WDR93: variants seen among roughly 807,000 people sequenced by gnomAD.
WDR93 encodes WD repeat domain 93, also known as WD repeat-containing protein 93.
In WDR93, 73 loss-of-function variants were observed where a neutral mutation model predicts 82.9. The ratio of observed to expected loss-of-function variants is 0.88; its 90% CI spans 0.73 to 1.07. The LOEUF is 1.07. Ranked by LOEUF, WDR93 falls within the 50% of genes least tolerant of loss-of-function variation. The probability of loss-of-function intolerance (pLI) is 0.00; values close to 1 mark genes in which losing one functional copy is unlikely to be tolerated. For synonymous variants in WDR93, 283 were observed against 300.1 expected (o/e 0.94, Z 0.59); for missense variants, 738 against 826.0 (o/e 0.89, Z 1.31).
intron 5 of WDR93, chr15:89,714,380 A>C (rs1012716002): frequency 1.3e-5 from 2 of 152,290 alleles, no homozygotes; most frequent in African/African-American, 4.8e-5. Flanking sequence ...CTGGAGTGTA[A>C]CGGCCTGATC....
At chr15:89,732,669 C>A (rs1221372547) in intron 12 of WDR93, among the ~76,000 whole-genome samples, 1 of 151,866 alleles carries the variant, frequency 6.6e-6, no homozygotes, top group African/African-American at 2.4e-5. Flanking sequence ...GCTGTGCCTC[C>A]CCCTGCCCAT....
intron 14 of WDR93, among the ~76,000 whole-genome samples, chr15:89,737,066 C>T (rs1025555431): frequency 1.3e-5 from 2 of 152,306 alleles, no homozygotes; most frequent in East Asian, 1.9e-4. Context: ...GCTGGGATTA[C>T]AGGCATGAGC....
At chr15:89,737,195 G>C (rs754897165) in intron 14 of WDR93, among the ~76,000 whole-genome samples, 4 of 152,208 alleles carry the variant, frequency 2.6e-5, no homozygotes, top group Non-Finnish European at 4.4e-5. Context: ...AGGAGGGGCT[G>C]TTAGATTGAG....
intron 1 of WDR93, among the ~76,000 whole-genome samples, chr15:89,694,302 G>A (rs914807778): frequency 1.4e-5 from 2 of 147,038 alleles, no homozygotes; most frequent in African/African-American, 5.1e-5. Flanking sequence ...CCAGGCTGGA[G>A]TGCAGTGGCA....
At chr15:89,693,414 G>T (rs530566215) in intron 1 of WDR93, among the ~76,000 whole-genome samples, 16 of 152,240 alleles carry the variant, frequency 1.1e-4, no homozygotes, top group African/African-American at 3.4e-4. Context: ...ATGACTGTTC[G>T]TGTACAAGTC....
Position 89,722,082 on chromosome 15 carries a change from A to G in WDR93, c.823A>G (p.Ile275Val). The change falls in exon 8 of 17, where the codon ATT becomes GTT. Residue 275 changes from isoleucine (I) to valine (V), a missense_variant. Transcript: ENST00000268130. ...MDANVSFKGDIKLSLPVYIMK... is the reference protein window; with the variant it reads ...MDANVSFKGDVKLSLPVYIMK... ...TGCAAATGTTAGTTTTAAAGGAGAC[A>G]TTAAATTGAGTCTTCCAGTTTACAT... 6.2e-7 allele frequency: 1 copy of G among 1,610,134 alleles called. No homozygotes were observed. The highest frequency in any genetic ancestry group is 1.3e-5 in the African/African-American group (1 of 74,902).
intron 1 of WDR93, among the ~76,000 whole-genome samples, chr15:89,692,060 T>C (rs1464407139): frequency 6.6e-6 from 1 of 152,192 alleles, no homozygotes; most frequent in African/African-American, 2.4e-5. Context: ...TTCTGGTTTC[T>C]GGTGCCCACC....
At chr15:89,718,186 C>G (rs1247718073) in intron 7 of WDR93, among the ~76,000 whole-genome samples, 2 of 151,850 alleles carry the variant, frequency 1.3e-5, no homozygotes, top group Admixed American at 1.3e-4. Context: ...ACAAAAAATA[C>G]AAAAAATGGC....
chr15:89,706,642 G>A (rs1365358057), intron 4 of WDR93, among the ~76,000 whole-genome samples: 1 of 151,978 alleles, frequency 6.6e-6, no homozygotes, highest in Non-Finnish European at 1.5e-5. Context: ...AGATCTAAAT[G>A]TAAAGGCTAA....
chr15:89,692,653 A>T (rs772407384), intron 1 of WDR93, among the ~76,000 whole-genome samples: 1 of 152,234 alleles, frequency 6.6e-6, no homozygotes, highest in East Asian at 1.9e-4. Context: ...CTTATTGCCC[A>T]GGCTGGAGTG....
intron 16 of WDR93, among the ~76,000 whole-genome samples, chr15:89,741,376 C>T (rs1434866461): frequency 6.6e-6 from 1 of 151,986 alleles, no homozygotes; most frequent in Non-Finnish European, 1.5e-5. Context: ...CACAGGCATG[C>T]GCCACCACAC....
chr15:89,743,165 G>C, intron 16 of WDR93, 127 bp from the exon 17 acceptor site: 2 of 853,498 alleles, frequency 2.3e-6, no homozygotes, highest in Non-Finnish European at 1.9e-6. Flanking sequence ...TGAGGACACA[G>C]AGGCGATGCA....
At chr15:89,728,297 A>G (rs550177203) in intron 9 of WDR93, among the ~76,000 whole-genome samples, 4 of 152,284 alleles carry the variant, frequency 2.6e-5, no homozygotes, top group South Asian at 2.1e-4. Flanking sequence ...TGAAGTATCA[A>G]TGAGGGAGCT....
intron 3 of WDR93, chr15:89,703,649 A>G (rs1487161524): frequency 6.4e-6 from 1 of 155,392 alleles, no homozygotes; most frequent in Non-Finnish European, 1.4e-5. Context: ...GGCTCCCTCT[A>G]GCCTGTCCTT....
rs767447834 is a variant in WDR93 at position 89,729,095 on chromosome 15, T to G, written c.1123+2T>G. The stretch of plus-strand genomic sequence containing the variant: ...CACCGGAAGTCAAGGGCCCCTCAGG[T>G]AAATGAACATGAAGTGGGTGGTTGT... On this transcript the variant is annotated splice_donor_variant, in intron 10 of 16. Coordinates refer to ENST00000268130, the MANE Select transcript of WDR93 (RefSeq NM_020212.2). LOFTEE classifies it high-confidence loss of function. 1 of 1,613,674 alleles carries G rather than the reference T, an allele frequency of 6.2e-7. No individual in the cohort carries two copies. The highest frequency in any genetic ancestry group is 1.1e-5 in the South Asian group (1 of 91,072).
intron 4 of WDR93, among the ~76,000 whole-genome samples, chr15:89,706,464 T>A (rs968462019): frequency 2.0e-5 from 3 of 152,084 alleles, no homozygotes; most frequent in African/African-American, 7.2e-5. Flanking sequence ...TTTTTTATTA[T>A]AATTTGTCTT....
intron 5 of WDR93, among the ~76,000 whole-genome samples, chr15:89,713,325 T>C (rs1421522865): frequency 6.6e-6 from 1 of 152,172 alleles, no homozygotes; most frequent in Non-Finnish European, 1.5e-5. Context: ...GCTGCAGTTA[T>C]CACTGGGACA....
chr15:89,735,427 G>A lies in WDR93; in HGVS notation c.1545-63G>A, dbSNP rs934576583. 48 of 1,527,618 alleles carry A rather than the reference G, an allele frequency of 3.1e-5. No individual in the cohort carries two copies. The East Asian group carries it at 1.0e-3, about 32-fold the overall frequency. The allele number at this position is 1,527,618 out of a possible 1,614,324, so 94.6% of individuals were successfully genotyped here. ...ATTTCTCCAGGATATATGCCTAGAA[G>A]AGGATATCAAAACTTTTAAACTCTT... On this transcript the variant is annotated intron_variant, in intron 13 of 16. Coordinates refer to ENST00000268130, the MANE Select transcript of WDR93 (RefSeq NM_020212.2).
At chr15:89,723,244 G>A (rs1966600211) in intron 8 of WDR93, among the ~76,000 whole-genome samples, 1 of 139,560 alleles carries the variant, frequency 7.2e-6, no homozygotes, top group African/African-American at 2.8e-5. Context: ...AAATAAATCT[G>A]GTACACTCAT....
Sources: allele counts gnomAD v4.1 joint callset (sites outside exome capture counted in the v4.1 genomes callset), GRCh38; gene constraint gnomAD v4.1.1; transcripts MANE v1.5; gene names NCBI Gene and HGNC (gene_info 2026-07-23, HGNC 2026-07-21).